Variants in TMED4 observed in about 807,000 individuals in gnomAD.
TMED4 encodes transmembrane p24 trafficking protein 4.
Under a neutral mutation model 26.5 loss-of-function variants are expected in TMED4, and 19 were observed. That is an observed-to-expected ratio of 0.72 (90% CI 0.50 to 1.05). The LOEUF is 1.05. TMED4 is among the 50% of genes least tolerant of loss of function. The pLI is 0.00. For missense variants in TMED4, 303 were observed against 302.5 expected (o/e 1.00, Z -0.01); for synonymous variants, 121 against 119.8 (o/e 1.01, Z -0.07).
At position 44,578,802 on chromosome 7, in the gene TMED4, G is replaced by A. The variant is rs1802889849; in HGVS notation, c.*677C>T. ...AATCATTTGAACCCGGGAGGCAGATGTTGCCAGTGAGCTGAGATCACGCCA... is the reference window on the plus strand; with the variant it reads ...AATCATTTGAACCCGGGAGGCAGATATTGCCAGTGAGCTGAGATCACGCCA... On this transcript the variant is annotated 3_prime_UTR_variant, in exon 5 of 5. Transcript: ENST00000457408. The A allele has an allele frequency of 7.4e-6, 1 of 135,336 alleles. No individual in the cohort carries two copies. Among genetic ancestry groups the A allele is most frequent in the Non-Finnish European group, 1.5e-5 (1 of 65,256 alleles). The allele number at this position is 135,336 out of a possible 1,614,324, so 8.4% of individuals were successfully genotyped here. A position where few individuals can be genotyped will look rare whatever the true frequency, so the allele number is the denominator to read the frequency against.
At chr7:44,581,864 C>T (rs757085080) in intron 1 of TMED4, 41 bp from the exon 2 acceptor site, 1 of 1,604,500 alleles carries the variant, frequency 6.2e-7, no homozygotes, top group East Asian at 2.2e-5. Context: ...CCTAGTGGGC[C>T]GCCTCTCCGC....
chr7:44,581,253 T>C lies in TMED4; in HGVS notation c.388-14A>G, dbSNP rs1411256344. The C allele has an allele frequency of 6.2e-7, 1 of 1,613,798 alleles. No individual in the cohort carries two copies. Among genetic ancestry groups the C allele is most frequent in the Non-Finnish European group, 8.5e-7 (1 of 1,179,814 alleles). ...GAGATGCACCCGCTACAAGGAAACA[T>C]GGAATGTATGAGTGGTGGGGCCTCC... On this transcript the variant is annotated splice_polypyrimidine_tract_variant and intron_variant, in intron 3 of 4. Coordinates refer to ENST00000457408, the MANE Select transcript of TMED4 (RefSeq NM_182547.4).
Position 44,581,142 on chromosome 7 carries a change from TGGCGGGCGCGGAGCTGTAGCTCC to T in TMED4, c.462_484del (p.Glu155ValfsTer3). On this transcript the variant is annotated frameshift_variant, in exon 4 of 5. Coordinates refer to ENST00000457408, the MANE Select transcript of TMED4 (RefSeq NM_182547.4). LOFTEE classifies it high-confidence loss of function. ...AATCTGTTCCACCTGATCAAGCAAC[TGGCGGGCGCGGAGCTGTAGCTCC>T]GTCAGCTTATCTTTTGCAGCAATCT... is the stretch of plus-strand genomic sequence containing the variant. 3 of 1,614,116 alleles carry T rather than the reference TGGCGGGCGCGGAGCTGTAGCTCC, an allele frequency of 1.9e-6. No homozygotes were observed. Among genetic ancestry groups the T allele is most frequent in the Non-Finnish European group, 2.5e-6 (3 of 1,180,024 alleles).
chr7:44,581,262 T>C, intron 3 of TMED4, 23 bp from the exon 4 acceptor site: 2 of 1,613,490 alleles, frequency 1.2e-6, no homozygotes, highest in Non-Finnish European at 1.7e-6. Context: ...ATGGAATGTA[T>C]GAGTGGTGGG....
intron 4 of TMED4, 69 bp from the exon 5 acceptor site, chr7:44,579,697 G>A: frequency 1.2e-5 from 18 of 1,542,840 alleles, no homozygotes; most frequent in South Asian, 5.8e-5. Flanking sequence ...CCCTCCCTGC[G>A]TGTAATTACT....
intron 4 of TMED4, chr7:44,580,822 C>T (rs1180518906): frequency 1.2e-5 from 4 of 336,544 alleles, no homozygotes; most frequent in Non-Finnish European, 2.3e-5. Context: ...TGGCGCATGC[C>T]TGTAATCCCA....
rs1223545164 is a variant in TMED4 at position 44,579,376 on chromosome 7, ATTCTTT to A, written c.*97_*102del. 2.2e-6 allele frequency: 3 copies of A among 1,340,250 alleles called. No individual in the cohort carries two copies. The highest frequency in any genetic ancestry group is 1.5e-5 in the African/African-American group (1 of 68,668). 83.0% of individuals were successfully genotyped at this position (1,340,250 alleles called of 1,614,324 possible). On this transcript the variant is annotated 3_prime_UTR_variant, in exon 5 of 5. Transcript: ENST00000457408. ...TGTGGCCATGGAACCAATGTGACTT[ATTCTTT>A]TTCATTTTTTTCCCTAAAAATCCAG...
At chr7:44,581,292 A>G in intron 3 of TMED4, 53 bp from the exon 4 acceptor site, 2 of 1,608,956 alleles carry the variant, frequency 1.2e-6, no homozygotes, top group Middle Eastern at 1.7e-4. Flanking sequence ...TGTCTGTTCC[A>G]GGGTATGGAA....
chr7:44,580,883 G>C (rs1159179140), intron 4 of TMED4: 3 of 523,320 alleles, frequency 5.7e-6, no homozygotes, highest in South Asian at 2.2e-5. Context: ...GGGAGGCGGA[G>C]GTTGCAGTGA....
At position 44,581,232 on chromosome 7, in the gene TMED4, T is replaced by C. The variant is rs1802979942; in HGVS notation, c.395A>G (p.His132Arg). The C allele has an allele frequency of 1.9e-6, 3 of 1,613,984 alleles. No individual in the cohort carries two copies. In the South Asian group the frequency reaches 3.3e-5, roughly 18 times the overall value. Residue 132 changes from histidine to arginine, a missense_variant, in exon 4 of 5, where the codon CAT becomes CGT. His to Arg is a conservative substitution (Grantham distance 29). Coordinates refer to ENST00000457408, the MANE Select transcript of TMED4 (RefSeq NM_182547.4). ...ALFAGGKLRV[H>R]LDIQVGEHAN... ...ATGCTCCCCAACCTGGATGTCGAGA[T>C]GCACCCGCTACAAGGAAACATGGAA...
At chr7:44,581,275 C>T (rs369923050) in intron 3 of TMED4, 36 bp from the exon 4 acceptor site, 10 of 1,611,596 alleles carry the variant, frequency 6.2e-6, no homozygotes, top group African/African-American at 1.3e-5. Context: ...GTGGTGGGGC[C>T]TCCAGTTGTC....
chr7:44,579,135 C>T lies in TMED4; in HGVS notation c.*344G>A, dbSNP rs762950940. 3.0e-5 allele frequency: 6 copies of T among 200,374 alleles called. No homozygotes were observed. The highest frequency in any genetic ancestry group is 1.3e-4 in the East Asian group (1 of 7,686). 12.4% of individuals were successfully genotyped at this position (200,374 alleles called of 1,614,324 possible). ...TGTGGCACATGCCAGTCACCTACTG[C>T]GTAAGTGGACAAAGAGAAAGCAGAA... On this transcript the variant is annotated 3_prime_UTR_variant, in exon 5 of 5. Transcript: ENST00000457408.
chr7:44,581,890 G>A (rs1803013650), intron 1 of TMED4, 67 bp from the exon 2 acceptor site: 14 of 1,589,900 alleles, frequency 8.8e-6, no homozygotes, highest in Middle Eastern at 3.4e-4. Context: ...CCCCTCCGAC[G>A]TGCGGCCCGG....
Position 44,579,293 on chromosome 7 carries a change from G to T in TMED4, c.*186C>A. 1.8e-6 allele frequency: 1 copy of T among 544,430 alleles called. No individual in the cohort carries two copies. 33.7% of individuals were successfully genotyped at this position (544,430 alleles called of 1,614,324 possible). On this transcript the variant is annotated 3_prime_UTR_variant, in exon 5 of 5. Transcript: ENST00000457408. Reference sequence around the variant, plus strand: ...CCCTAAGACAAGATTTTGAAAGATTGGACTAATGTCATGTGTCCTTAAGAA... The same window carrying T: ...CCCTAAGACAAGATTTTGAAAGATTTGACTAATGTCATGTGTCCTTAAGAA...
rs113699443 is a variant in TMED4, at chr7:44,579,825, G to A, written c.535-197C>T. 9.2e-3 allele frequency: 4,107 copies of A among 444,110 alleles called. 31 individuals carry two copies. Among genetic ancestry groups the A allele is most frequent in the South Asian group, 0.028 (512 of 18,222 alleles). The allele number at this position is 444,110 out of a possible 1,614,324, so 27.5% of individuals were successfully genotyped here. On this transcript the variant is annotated intron_variant, in intron 4 of 4. Coordinates refer to ENST00000457408, the MANE Select transcript of TMED4 (RefSeq NM_182547.4). ...AGGCTGTCCCTCCACAAGCATCTCT[G>A]TTAGGACTGAAATCATGATCCTACC...
Position 44,579,423 on chromosome 7 carries a change from T to C in TMED4, c.*56A>G. ...AAAAATCCAGGTGGATAAAGGACTG[T>C]GTGGGGAAAGTACCAAATAAATGAG... On this transcript the variant is annotated 3_prime_UTR_variant, in exon 5 of 5. Transcript: ENST00000457408. 5 of 1,556,500 alleles carry C rather than the reference T, an allele frequency of 3.2e-6. No individual in the cohort carries two copies. The highest frequency in any genetic ancestry group is 4.4e-6 in the Non-Finnish European group (5 of 1,141,144).
In TMED4 at chr7:44,581,137, G is replaced by A. The variant is rs772733157; in HGVS notation, c.490C>T (p.Leu164Phe). The A allele has an allele frequency of 6.2e-7, 1 of 1,614,026 alleles. No individual in the cohort carries two copies. Among genetic ancestry groups the A allele is most frequent in the African/African-American group, 1.3e-5 (1 of 74,922 alleles). ...TELQLRARQLLDQVEQIQKEQ... is the reference protein window; with the variant it reads ...TELQLRARQLFDQVEQIQKEQ... ...TTCTGAATCTGTTCCACCTGATCAA[G>A]CAACTGGCGGGCGCGGAGCTGTAGC... is the stretch of plus-strand genomic sequence containing the variant. The change falls in exon 4 of 5, where the codon CTT (leucine) becomes TTT (phenylalanine). Residue 164 changes from leucine (L) to phenylalanine (F), a missense_variant. Physicochemically the swap from Leu to Phe is conservative, Grantham distance 22 (BLOSUM62 0). Transcript: ENST00000457408.
chr7:44,582,165 C>A lies in TMED4; in HGVS notation c.42G>T (p.Arg14=). Residue 14 remains arginine (R), a synonymous_variant, in exon 1 of 5, where the codon CGG becomes CGT. Coordinates refer to ENST00000457408, the MANE Select transcript of TMED4 (RefSeq NM_182547.4). The stretch of plus-strand genomic sequence containing the variant: ...ACAGCGCGAGAAGCAGCAGGGCCTG[C>A]CGCCCCATCGCCCGCAGAGGCCCAG... ...VGAGPLRAMG[R]QALLLLALCA... is the part of the protein sequence containing the mutation. 1 of 1,548,818 alleles carries A rather than the reference C, an allele frequency of 6.5e-7. No individual in the cohort carries two copies. The highest frequency in any genetic ancestry group is 8.7e-7 in the Non-Finnish European group (1 of 1,146,312).
chr7:44,581,361 G>A, intron 3 of TMED4, 88 bp downstream of exon 3: 3 of 1,606,944 alleles, frequency 1.9e-6, no homozygotes, highest in Non-Finnish European at 2.6e-6. Context: ...AATTCTGACT[G>A]TGCTACAAAG....
Sources: gnomAD v4.1 joint callset for allele counts on GRCh38, gnomAD v4.1.1 for gene constraint, MANE v1.5 for transcripts, NCBI Gene and HGNC (gene_info 2026-07-23, HGNC 2026-07-21) for gene names.